NTN4: variants seen among roughly 807,000 people sequenced by gnomAD.
The protein encoded by NTN4 is netrin-4.
In NTN4, 32 loss-of-function variants were observed where a neutral mutation model predicts 73.6. That is an observed-to-expected ratio of 0.44 (90% CI 0.33 to 0.58). NTN4 has a LOEUF of 0.58. Among genes scored for constraint, NTN4 ranks in the 20% least tolerant of loss-of-function variants. The pLI is 0.04. For synonymous variants in NTN4, 258 were observed against 287.5 expected, an observed-to-expected ratio of 0.90 and a Z score of 1.04; for missense variants, 654 against 798.3, an observed-to-expected ratio of 0.82 and a Z score of 2.18.
chr12:95,713,822 T>C (rs2078584972), intron 3 of NTN4, among the ~76,000 whole-genome samples: 1 of 152,184 alleles, frequency 6.6e-6, no homozygotes, highest in Admixed American at 6.5e-5. Context: ...TTCCATTTTG[T>C]TAAATATTCT....
At chr12:95,682,644 T>A in intron 7 of NTN4, 63 bp downstream of exon 7, 1 of 1,111,928 alleles carries the variant, frequency 9.0e-7, no homozygotes, top group Non-Finnish European at 1.4e-6. Context: ...CCCTGGTTTG[T>A]CACGTATCAC....
chr12:95,785,466 A>T (rs1418465302), intron 2 of NTN4, among the ~76,000 whole-genome samples: 1 of 152,196 alleles, frequency 6.6e-6, no homozygotes, highest in African/African-American at 2.4e-5. Context: ...AACTTTGGGG[A>T]CCATGAAGAA....
chr12:95,753,808 G>A (rs2078927517), intron 2 of NTN4, among the ~76,000 whole-genome samples: 1 of 151,966 alleles, frequency 6.6e-6, no homozygotes. Context: ...GCCAATTTAA[G>A]CTCCTGTATA....
chr12:95,741,951 T>C (rs2078830038), intron 2 of NTN4, among the ~76,000 whole-genome samples: 1 of 152,122 alleles, frequency 6.6e-6, no homozygotes, highest in East Asian at 1.9e-4. Context: ...AAAAAATATC[T>C]GACCCTCTGA....
chr12:95,742,365 TAA>T (rs58390951), intron 2 of NTN4, among the ~76,000 whole-genome samples: 112 of 136,232 alleles, frequency 8.2e-4, no homozygotes, highest in Admixed American at 6.7e-4. Flanking sequence ...ATGGTGGCGT[TAA>T]AAAAAAAAAA....
chr12:95,738,569 G>C (rs2078799400), intron 2 of NTN4, among the ~76,000 whole-genome samples: 1 of 152,208 alleles, frequency 6.6e-6, no homozygotes, highest in Admixed American at 6.5e-5. Context: ...GCAGGTGTGA[G>C]ATAGACATGA....
Position 95,659,127 on chromosome 12 carries a change from C to T in NTN4, c.1846G>A (p.Gly616Arg). 1 of 1,613,524 alleles carries T rather than the reference C, an allele frequency of 6.2e-7. No individual in the cohort carries two copies. The highest frequency in any genetic ancestry group is 1.7e-5 in the Admixed American group (1 of 59,954). ...SFVQHWKPSL[G>R]RKVMDILKRE... ...TTTAAAATATCCATGACTTTTCTTCCAAGAGAAGGTTTCCAGTGCTGGACA... is the reference window on the plus strand; with the variant it reads ...TTTAAAATATCCATGACTTTTCTTCTAAGAGAAGGTTTCCAGTGCTGGACA... Residue 616 changes from glycine to arginine, a missense_variant, in exon 10 of 10, where the codon GGA becomes AGA. Transcript: ENST00000343702.
chr12:95,675,196 C>T lies in NTN4; in HGVS notation c.1511-5050G>A, dbSNP rs986659045. On this transcript the variant is annotated intron_variant, in intron 7 of 9. Transcript: ENST00000343702. ...GATAACTTCATGTTGCCTTCTCTTT[C>T]GCACCTTCTTTCCTGTTGTGATTGA... Among the ~76,000 whole-genome samples the T allele has an allele frequency of 5.3e-5, 8 of 152,136 alleles. 1 individual carries two copies. The highest frequency in any genetic ancestry group is 1.2e-4 in the African/African-American group (5 of 41,430).
intron 2 of NTN4, among the ~76,000 whole-genome samples, chr12:95,773,407 A>C (rs73369333): frequency 0.039 from 5,945 of 152,274 alleles, 363 homozygotes; most frequent in East Asian, 0.31. Flanking sequence ...GAATGCTAAA[A>C]ATAATGAACA....
At chr12:95,668,471 C>CAA (rs3051551) in intron 8 of NTN4, among the ~76,000 whole-genome samples, 70,076 of 151,810 alleles carry the variant, frequency 0.46, 16,434 homozygotes, top group East Asian at 0.8. Flanking sequence ...CTGTACATTT[C>CAA]AAGTTTTCTT....
rs184998783 is a variant in NTN4 at position 95,721,826 on chromosome 12, C to A, written c.865-8488G>T. On this transcript the variant is annotated intron_variant, in intron 3 of 9. Transcript: ENST00000343702. ...TGCCCCAAAGCTTTGAATTATTTAT[C>A]TAAGTCCAAGTTCATCTGTGCCATG... Among the ~76,000 whole-genome samples the A allele has an allele frequency of 6.6e-5, 10 of 152,252 alleles. No homozygotes were observed. The East Asian group carries it at 1.9e-3, about 29-fold the overall frequency.
chr12:95,713,435 C>T (rs932652880), intron 3 of NTN4, 97 bp from the exon 4 acceptor site: 2 of 1,351,634 alleles, frequency 1.5e-6, no homozygotes, highest in Non-Finnish European at 2.0e-6. Context: ...TGGCTTTAGT[C>T]ATAAGATGTT....
chr12:95,668,152 T>C, intron 8 of NTN4, among the ~76,000 whole-genome samples: 1 of 151,920 alleles, frequency 6.6e-6, no homozygotes, highest in East Asian at 1.9e-4. Flanking sequence ...TGTTTTTTTT[T>C]TTTTTTTCTA....
chr12:95,704,839 C>A (rs1478596697), intron 5 of NTN4, among the ~76,000 whole-genome samples: 1 of 152,080 alleles, frequency 6.6e-6, no homozygotes, highest in Non-Finnish European at 1.5e-5. Context: ...CCTAGGGAAG[C>A]CTACCCAGGG....
At chr12:95,659,307 T>C in intron 9 of NTN4, 85 bp from the exon 10 acceptor site, 1 of 1,070,392 alleles carries the variant, frequency 9.3e-7, no homozygotes, top group Non-Finnish European at 1.4e-6. Context: ...TCTTTTGCAT[T>C]TATTTTGAGA....
intron 7 of NTN4, among the ~76,000 whole-genome samples, chr12:95,682,201 C>T (rs549437510): frequency 1.7e-4 from 26 of 151,384 alleles, no homozygotes; most frequent in Non-Finnish European, 3.2e-4. Flanking sequence ...GGACTACAGG[C>T]GTGCACCACC....
chr12:95,667,814 C>T (rs1227959012), intron 8 of NTN4, among the ~76,000 whole-genome samples: 3 of 151,936 alleles, frequency 2.0e-5, no homozygotes, highest in Non-Finnish European at 1.5e-5. Context: ...GAGTCCAGAT[C>T]ACGCCACTGC....
intron 7 of NTN4, among the ~76,000 whole-genome samples, chr12:95,680,066 C>T (rs1200246937): frequency 1.3e-5 from 2 of 152,058 alleles, no homozygotes; most frequent in Admixed American, 1.3e-4. Context: ...AAAGTATGTC[C>T]CTCTAAAACA....
At position 95,688,311 on chromosome 12, in the gene NTN4, G is replaced by A. The variant is rs149041978; in HGVS notation, c.1181-4600C>T. On this transcript the variant is annotated intron_variant, in intron 5 of 9. Transcript: ENST00000343702. ...ACAGATAGGGTTTGGAGACCATCTG[G>A]AAGAGGAAGAAAGAGTTGTTGAGGG... 2.4e-3 allele frequency among the ~76,000 whole-genome samples: 360 copies of A among 152,240 alleles called. 1 individual carries two copies. The highest frequency in any genetic ancestry group is 3.8e-3 in the Non-Finnish European group (258 of 68,022).
Sources: gnomAD v4.1 joint callset for allele counts (sites outside exome capture counted in the v4.1 genomes callset) on GRCh38, gnomAD v4.1.1 for gene constraint, MANE v1.5 for transcripts, NCBI Gene and HGNC (gene_info 2026-07-23, HGNC 2026-07-21) for gene names.